Variants in FGD4 observed in about 807,000 individuals in gnomAD.
FGD4 encodes FYVE, RhoGEF and PH domain-containing protein 4.
In FGD4, 42 loss-of-function variants were observed where a neutral mutation model predicts 102.0. The ratio of observed to expected loss-of-function variants is 0.41; its 90% CI spans 0.32 to 0.53. The LOEUF is 0.53. Among genes scored for constraint, FGD4 ranks in the 20% least tolerant of loss-of-function variants. FGD4 has a pLI of 0.21. For synonymous variants in FGD4, 380 were observed against 375.7 expected (o/e 1.01, Z -0.13); for missense variants, 902 against 1,078.2 (o/e 0.84, Z 2.29).
intron 4 of FGD4, among the ~76,000 whole-genome samples, chr12:32,588,195 G>C (rs1369937537): frequency 2.0e-5 from 3 of 152,210 alleles, no homozygotes; most frequent in Non-Finnish European, 4.4e-5. Flanking sequence ...CTAGCCTTTA[G>C]TAGGCCTTGA....
intron 1 of FGD4, among the ~76,000 whole-genome samples, chr12:32,436,404 T>G (rs1244656039): frequency 1.3e-5 from 2 of 152,196 alleles, no homozygotes; most frequent in Non-Finnish European, 2.9e-5. Flanking sequence ...AATACTTTGT[T>G]GTGACTTTGT....
At chr12:32,519,574 T>C (rs948731534) in intron 1 of FGD4, among the ~76,000 whole-genome samples, 7 of 151,832 alleles carry the variant, frequency 4.6e-5, no homozygotes. Context: ...GAGGATCACT[T>C]GAGGCCAGGA....
intron 1 of FGD4, among the ~76,000 whole-genome samples, chr12:32,529,029 T>C (rs1941534280): frequency 6.6e-6 from 1 of 152,224 alleles, no homozygotes; most frequent in Non-Finnish European, 1.5e-5. Context: ...GGTACAAAAA[T>C]ATTCAAGCAA....
At chr12:32,539,542 C>A (rs1055694194) in intron 1 of FGD4, among the ~76,000 whole-genome samples, 1 of 150,824 alleles carries the variant, frequency 6.6e-6, no homozygotes, top group African/African-American at 2.5e-5. Context: ...GCACTCCAGC[C>A]TGGGCAACAA....
chr12:32,497,743 G>A lies in FGD4; in HGVS notation c.167-66394G>A, dbSNP rs1937910405. 3.3e-5 allele frequency among the ~76,000 whole-genome samples: 5 copies of A among 152,206 alleles called. 1 individual carries two copies. Among genetic ancestry groups the A allele is most frequent in the Admixed American group, 3.3e-4 (5 of 15,284 alleles). On this transcript the variant is annotated intron_variant, in intron 1 of 16. Coordinates refer to ENST00000534526, the MANE Select transcript of FGD4 (RefSeq NM_001370298.3). ...AGTACATCCTAAATTGTGTGCCGTT[G>A]TGCAGGTACAATTGCCATTTCAACT...
chr12:32,512,321 C>T (rs1200017689), intron 1 of FGD4, among the ~76,000 whole-genome samples: 1 of 152,016 alleles, frequency 6.6e-6, no homozygotes, highest in East Asian at 1.9e-4. Flanking sequence ...GTGGCACGAG[C>T]CTGTAATCCC....
In FGD4 at chr12:32,618,188, G is replaced by A. The variant is rs140255683; in HGVS notation, c.1750-1510G>A. Among the ~76,000 whole-genome samples the A allele has an allele frequency of 5.1e-4, 78 of 152,258 alleles. 1 individual carries two copies. The highest frequency in any genetic ancestry group is 3.4e-3 in the Middle Eastern group (1 of 294). ...TAAAGCCAACTTGAGGACAAGTATC[G>A]GATAACTCACAAATTTTATGCCATA... On this transcript the variant is annotated intron_variant, in intron 10 of 16. Transcript: ENST00000534526.
intron 4 of FGD4, among the ~76,000 whole-genome samples, chr12:32,595,343 C>A (rs1022975645): frequency 1.3e-5 from 2 of 152,078 alleles, no homozygotes; most frequent in Admixed American, 6.5e-5. Flanking sequence ...ATGCTTCTGG[C>A]CACAAGTAAC....
At chr12:32,631,036 G>C (rs371754476) in intron 14 of FGD4, among the ~76,000 whole-genome samples, 11 of 152,100 alleles carry the variant, frequency 7.2e-5, no homozygotes, top group African/African-American at 2.4e-4. Context: ...TAATTTTTCT[G>C]GTTTTTGTGT....
intron 1 of FGD4, among the ~76,000 whole-genome samples, chr12:32,537,200 G>A (rs1481238544): frequency 1.3e-5 from 2 of 152,056 alleles, no homozygotes; most frequent in Non-Finnish European, 2.9e-5. Flanking sequence ...GAGCCACCAC[G>A]CCTGGCCATA....
At chr12:32,479,590 C>G (rs1311380535) in intron 1 of FGD4, among the ~76,000 whole-genome samples, 2 of 149,064 alleles carry the variant, frequency 1.3e-5, no homozygotes, top group Non-Finnish European at 3.0e-5. Flanking sequence ...AGTGAGAGGT[C>G]TGTATTTTCA....
chr12:32,596,296 A>G (rs11052094), intron 4 of FGD4, among the ~76,000 whole-genome samples: 72,345 of 152,130 alleles, frequency 0.48, 19,013 homozygotes, highest in African/African-American at 0.71. Flanking sequence ...AAAGAAAAGC[A>G]TCTTAGACAC....
chr12:32,611,400 G>A (rs1036758316), intron 10 of FGD4, 117 bp downstream of exon 10: 18 of 1,215,324 alleles, frequency 1.5e-5, no homozygotes, highest in South Asian at 3.8e-5. Flanking sequence ...TGGATCTCCT[G>A]AGGTCAGGAG....
chr12:32,492,899 T>C (rs1944159396), intron 1 of FGD4, among the ~76,000 whole-genome samples: 1 of 152,234 alleles, frequency 6.6e-6, no homozygotes, highest in Non-Finnish European at 1.5e-5. Context: ...AAGCTGGTGC[T>C]GCCCGCACCT....
chr12:32,479,220 A>G (rs373920772), intron 1 of FGD4, among the ~76,000 whole-genome samples: 31 of 152,258 alleles, frequency 2.0e-4, no homozygotes, highest in African/African-American at 6.3e-4. Context: ...TACTTGTGCT[A>G]TTTGAGGAGG....
intron 2 of FGD4, among the ~76,000 whole-genome samples, chr12:32,573,348 G>T (rs1331206103): frequency 6.6e-6 from 1 of 150,646 alleles, no homozygotes; most frequent in African/African-American, 2.4e-5. Flanking sequence ...GCCCGCCTTG[G>T]CCTCCCAAAG....
intron 1 of FGD4, among the ~76,000 whole-genome samples, chr12:32,444,021 CT>C (rs67353121): frequency 0.22 from 26,685 of 119,058 alleles, 5,916 homozygotes; most frequent in African/African-American, 0.59. Context: ...ACTTTGTTTT[CT>C]TTTTTTTTTT....
At chr12:32,434,423 A>G (rs1489479648) in intron 1 of FGD4, among the ~76,000 whole-genome samples, 2 of 152,236 alleles carry the variant, frequency 1.3e-5, no homozygotes, top group African/African-American at 4.8e-5. Flanking sequence ...TTTTACAGCT[A>G]GAATATTGAA....
rs1326502697 is a variant in FGD4, at chr12:32,640,607, A to G, written c.*74A>G. 1.9e-5 allele frequency: 31 copies of G among 1,601,330 alleles called. No individual in the cohort carries two copies. The Admixed American group carries it at 5.2e-4, about 27-fold the overall frequency. On this transcript the variant is annotated 3_prime_UTR_variant, in exon 17 of 17. Transcript: ENST00000534526. Reference sequence around the variant, plus strand: ...AAGACATTCCCAGCTCTTCTTACACATCTGCTAGCACTTTATGTTGAAAAA... The same window carrying G: ...AAGACATTCCCAGCTCTTCTTACACGTCTGCTAGCACTTTATGTTGAAAAA...
Sources: allele counts gnomAD v4.1 joint callset (sites outside exome capture counted in the v4.1 genomes callset), GRCh38; gene constraint gnomAD v4.1.1; transcripts MANE v1.5; gene names NCBI Gene and HGNC (gene_info 2026-07-23, HGNC 2026-07-21).